The following SPATA9 variants were observed in gnomAD, a reference collection of about 807,000 sequenced individuals.
The protein encoded by SPATA9 is spermatogenesis-associated protein 9.
SPATA9 carries 27 observed loss-of-function variants against 25.5 expected under a neutral mutation model. The observed-to-expected ratio is 1.06, with a 90% CI of 0.78 to 1.46. The LOEUF (loss-of-function observed/expected upper bound fraction) is 1.46. Ranked by LOEUF, SPATA9 falls within the 40% of genes most tolerant of loss-of-function variation. The probability of loss-of-function intolerance (pLI) is 0.00; values close to 1 mark genes in which losing one functional copy is unlikely to be tolerated. For synonymous variants in SPATA9, 102 were observed against 105.7 expected (o/e 0.97, Z 0.21); for missense variants, 282 against 297.5 (o/e 0.95, Z 0.38).
At chr5:95,731,736 G>GC in the SPATA9 span, 34 of 1,611,688 alleles carry the variant, frequency 2.1e-5, no homozygotes, top group Non-Finnish European at 2.5e-6. Flanking sequence ...CGTGCCGTGC[G>GC]CCCCAGGGAC....
the SPATA9 span, among the ~76,000 whole-genome samples, chr5:95,724,917 G>A: frequency 1.3e-5 from 2 of 152,110 alleles, no homozygotes; most frequent in Non-Finnish European, 2.9e-5. Context: ...GCTGGGCATG[G>A]TGGCATGCAC....
chr5:95,708,552 C>T, the SPATA9 span: 1 of 695,612 alleles, frequency 1.4e-6, no homozygotes, highest in Non-Finnish European at 2.6e-6. Flanking sequence ...GGCAGAAAAA[C>T]TGATAAGTAT....
intron 3 of SPATA9, among the ~76,000 whole-genome samples, chr5:95,668,790 G>A (rs1048411825): frequency 4.6e-5 from 7 of 152,084 alleles, no homozygotes; most frequent in Non-Finnish European, 8.8e-5. Context: ...AAGTATGTGT[G>A]TTCATCTTAT....
upstream of SPATA9, among the ~76,000 whole-genome samples, chr5:95,684,018 T>C (rs1753653814): frequency 6.6e-6 from 1 of 152,148 alleles, no homozygotes; most frequent in East Asian, 1.9e-4. Flanking sequence ...CCAGGATTCC[T>C]CTAGCATGGG....
chr5:95,731,660 G>A, the SPATA9 span: 424 of 1,613,072 alleles, frequency 2.6e-4, 1 homozygote, highest in Middle Eastern at 3.3e-3. Context: ...CCGAGTCGCC[G>A]CCCTGCCCTT....
At chr5:95,716,087 A>T in the SPATA9 span, among the ~76,000 whole-genome samples, 1 of 152,216 alleles carries the variant, frequency 6.6e-6, no homozygotes, top group Admixed American at 6.5e-5. Context: ...GAGAGTAGAG[A>T]GGATAGAGAG....
downstream of SPATA9, chr5:95,652,974 CT>C (rs1270468211): frequency 3.5e-6 from 4 of 1,148,436 alleles, no homozygotes; most frequent in East Asian, 1.0e-4. Flanking sequence ...CTTTCCTTTG[CT>C]CTTAGAGTAA....
At chr5:95,679,600 A>G (rs1327315791) in intron 2 of SPATA9, among the ~76,000 whole-genome samples, 2 of 152,192 alleles carry the variant, frequency 1.3e-5, no homozygotes, top group East Asian at 3.8e-4. Flanking sequence ...TAGACCCAAG[A>G]GAGGGCCGGC....
upstream of SPATA9, chr5:95,701,181 T>G (rs1246174746): frequency 1.3e-5 from 2 of 152,198 alleles, no homozygotes; most frequent in Non-Finnish European, 2.9e-5. Context: ...TCACTTAACC[T>G]CTTGATATAA....
chr5:95,731,113 G>A, the SPATA9 span: 371 of 1,083,720 alleles, frequency 3.4e-4, 1 homozygote, highest in African/African-American at 5.6e-3. Flanking sequence ...GGGCTGGGGC[G>A]TTGTATTTAT....
upstream of SPATA9, among the ~76,000 whole-genome samples, chr5:95,686,365 C>G (rs375053269): frequency 6.6e-6 from 1 of 151,394 alleles, no homozygotes; most frequent in South Asian, 2.1e-4. Flanking sequence ...TAGTTTATAA[C>G]CATCCAAAAT....
At chr5:95,652,561 C>A, downstream of SPATA9, 1 of 447,266 alleles carries the variant, frequency 2.2e-6, no homozygotes, top group Non-Finnish European at 3.7e-6. Context: ...TACAGTTCAC[C>A]TAGCTGCACA....
In SPATA9 at chr5:95,681,129, C is replaced by T. The variant is rs147858684; in HGVS notation, c.150+1399G>A. On this transcript the variant is annotated intron_variant, in intron 2 of 4. Coordinates refer to ENST00000274432, the MANE Select transcript of SPATA9 (RefSeq NM_031952.4). ...CCACTAAAAAAGTATTTTTGTTGTG[C>T]AAACTGAATGTCATTTCCAAGCCCA... Among the ~76,000 whole-genome samples the T allele has an allele frequency of 1.4e-3, 215 of 152,286 alleles. 1 individual carries two copies. Among genetic ancestry groups the T allele is most frequent in the African/African-American group, 4.8e-3 (198 of 41,542 alleles).
chr5:95,711,151 G>A, the SPATA9 span, among the ~76,000 whole-genome samples: 1 of 152,140 alleles, frequency 6.6e-6, no homozygotes, highest in Admixed American at 6.6e-5. Flanking sequence ...AGATACCAGT[G>A]AAAATCGTCC....
chr5:95,680,441 C>T (rs115650403), intron 2 of SPATA9, among the ~76,000 whole-genome samples: 1,864 of 152,290 alleles, frequency 0.012, 18 homozygotes, highest in Middle Eastern at 0.02. Flanking sequence ...GTATCCCATA[C>T]TTGACATCTT....
the SPATA9 span, among the ~76,000 whole-genome samples, chr5:95,716,241 GC>G: frequency 1.1e-4 from 17 of 152,328 alleles, no homozygotes; most frequent in Non-Finnish European, 1.6e-4. Context: ...ACCTAGAAAA[GC>G]CACAGACGCT....
At chr5:95,653,323 A>G (rs1462163298), downstream of SPATA9, 10 of 1,453,354 alleles carry the variant, frequency 6.9e-6, no homozygotes, top group African/African-American at 1.4e-5. Context: ...CAAGTGGACC[A>G]CCTTAGCCAA....
At chr5:95,703,170 G>A (rs1001610896), upstream of SPATA9, among the ~76,000 whole-genome samples, 8 of 152,180 alleles carry the variant, frequency 5.3e-5, no homozygotes, top group Admixed American at 3.3e-4. Flanking sequence ...TTATAAATGA[G>A]TACAAAAACA....
chr5:95,724,376 T>C, the SPATA9 span, among the ~76,000 whole-genome samples: 2 of 152,274 alleles, frequency 1.3e-5, no homozygotes, highest in East Asian at 3.8e-4. Flanking sequence ...TTTTACATGT[T>C]TAACACATAG....
Sources: allele counts gnomAD v4.1 joint callset (sites outside exome capture counted in the v4.1 genomes callset), GRCh38; gene constraint gnomAD v4.1.1; transcripts MANE v1.5; gene names NCBI Gene and HGNC (gene_info 2026-07-23, HGNC 2026-07-21).